The following ASAP1 variants were observed in gnomAD, a reference collection of about 807,000 sequenced individuals.
The protein encoded by ASAP1 is arf-GAP with SH3 domain, ANK repeat and PH domain-containing protein 1.
ASAP1 carries 43 observed loss-of-function variants against 145.2 expected under a neutral mutation model. The observed-to-expected ratio is 0.30, with a 90% CI of 0.23 to 0.38. The LOEUF (loss-of-function observed/expected upper bound fraction) is 0.38. Among genes scored for constraint, ASAP1 ranks in the 10% least tolerant of loss-of-function variants. The pLI, the probability that ASAP1 is intolerant of heterozygous loss-of-function variation, is 1.00. For synonymous variants in ASAP1, 546 were observed against 515.5 expected (o/e 1.06, Z -0.80); for missense variants, 1,018 against 1,355.3 (o/e 0.75, Z 3.91).
At chr8:130,248,344 G>A (rs1382681697) in intron 3 of ASAP1, among the ~76,000 whole-genome samples, 1 of 152,158 alleles carries the variant, frequency 6.6e-6, no homozygotes, top group African/African-American at 2.4e-5. Context: ...AGACAAGAAT[G>A]TTCTCTTCTT....
At chr8:130,304,428 T>A (rs1369811303) in intron 3 of ASAP1, among the ~76,000 whole-genome samples, 3 of 152,168 alleles carry the variant, frequency 2.0e-5, no homozygotes, top group Non-Finnish European at 4.4e-5. Flanking sequence ...TCTATTGTAA[T>A]ACTAATATAT....
chr8:130,354,112 G>A (rs943501969), intron 3 of ASAP1, among the ~76,000 whole-genome samples: 2 of 152,020 alleles, frequency 1.3e-5, no homozygotes, highest in Admixed American at 6.6e-5. Context: ...GGATGGTCTC[G>A]ATCTCCTGGC....
intron 3 of ASAP1, among the ~76,000 whole-genome samples, chr8:130,277,352 G>A (rs1018121832): frequency 2.0e-5 from 3 of 152,144 alleles, no homozygotes; most frequent in African/African-American, 7.2e-5. Flanking sequence ...ATAACTATAA[G>A]CCATACTAGT....
At chr8:130,343,724 G>T (rs1347114538) in intron 3 of ASAP1, among the ~76,000 whole-genome samples, 1 of 152,166 alleles carries the variant, frequency 6.6e-6, no homozygotes, top group Non-Finnish European at 1.5e-5. Context: ...TGAACAACAG[G>T]TCCTCCCTTT....
intron 1 of ASAP1, among the ~76,000 whole-genome samples, chr8:130,440,899 T>G (rs1444296141): frequency 6.6e-6 from 1 of 152,210 alleles, no homozygotes; most frequent in Non-Finnish European, 1.5e-5. Context: ...GTTTGTTTCC[T>G]TGATAACAAG....
At position 130,112,152 on chromosome 8, in the gene ASAP1, G is replaced by A. The variant is rs1279969553; in HGVS notation, c.2343C>T (p.Asp781=). ...TNQIFVSTST[D]SPTSPTTEAP... ...CCTCCGTGGTTGGTGATGTGGGCGA[G>A]TCTGTGCTTGTGGAAACGAAGATCT... is the stretch of plus-strand genomic sequence containing the variant. Residue 781 remains aspartate (D), a synonymous_variant, in exon 24 of 30, where the codon GAC becomes GAT. Transcript: ENST00000518721. 3 of 1,614,032 alleles carry A rather than the reference G, an allele frequency of 1.9e-6. No individual in the cohort carries two copies. The highest frequency in any genetic ancestry group is 2.7e-5 in the African/African-American group (2 of 74,918).
At chr8:130,062,760 C>T (rs2135084327) in intron 27 of ASAP1, among the ~76,000 whole-genome samples, 1 of 152,286 alleles carries the variant, frequency 6.6e-6, no homozygotes, top group Non-Finnish European at 1.5e-5. Context: ...TGGCACAGTA[C>T]TGCTTATAAC....
chr8:130,351,800 C>T (rs1278875540), intron 3 of ASAP1, among the ~76,000 whole-genome samples: 1 of 152,156 alleles, frequency 6.6e-6, no homozygotes, highest in Non-Finnish European at 1.5e-5. Flanking sequence ...GCCCCACCTC[C>T]GACACTGGGG....
chr8:130,115,759 C>A, intron 22 of ASAP1, 24 bp from the exon 23 acceptor site: 1 of 1,520,118 alleles, frequency 6.6e-7, no homozygotes, highest in Non-Finnish European at 9.1e-7. Context: ...CAAATGTGCA[C>A]CATTTTAATT....
At chr8:130,419,093 G>A (rs988296306) in intron 1 of ASAP1, among the ~76,000 whole-genome samples, 4 of 152,134 alleles carry the variant, frequency 2.6e-5, no homozygotes, top group Non-Finnish European at 5.9e-5. Context: ...CCAGGGTCCC[G>A]CACGCATTGT....
chr8:130,186,933 C>CT (rs1388088375), intron 7 of ASAP1, among the ~76,000 whole-genome samples: 1 of 152,150 alleles, frequency 6.6e-6, no homozygotes, highest in Non-Finnish European at 1.5e-5. Context: ...TACATGCTAT[C>CT]TATAATGAGA....
At chr8:130,274,726 C>G (rs1411937173) in intron 3 of ASAP1, among the ~76,000 whole-genome samples, 1 of 152,188 alleles carries the variant, frequency 6.6e-6, no homozygotes, top group African/African-American at 2.4e-5. Context: ...AGCAGAGTAC[C>G]AGGCACAGAG....
chr8:130,102,672 C>T (rs2097530724), intron 24 of ASAP1, among the ~76,000 whole-genome samples: 1 of 152,064 alleles, frequency 6.6e-6, no homozygotes, highest in Admixed American at 6.6e-5. Context: ...AGAATTGGTG[C>T]TAGTTTTTCT....
chr8:130,381,849 G>A (rs1565267126), intron 2 of ASAP1, among the ~76,000 whole-genome samples: 1 of 152,092 alleles, frequency 6.6e-6, no homozygotes, highest in African/African-American at 2.4e-5. Context: ...CTGCACGCAG[G>A]CCTCTGCATG....
intron 3 of ASAP1, among the ~76,000 whole-genome samples, chr8:130,335,463 G>T (rs1362871313): frequency 6.6e-6 from 1 of 152,140 alleles, no homozygotes; most frequent in Non-Finnish European, 1.5e-5. Flanking sequence ...ATTAAAACTT[G>T]GTTGGTCACA....
intron 3 of ASAP1, among the ~76,000 whole-genome samples, chr8:130,322,885 C>A (rs1824096199): frequency 6.6e-6 from 1 of 152,188 alleles, no homozygotes; most frequent in Admixed American, 6.5e-5. Flanking sequence ...CAGGGAGACG[C>A]AGAAGGCTTT....
chr8:130,065,763 T>G (rs1453779969), intron 27 of ASAP1, among the ~76,000 whole-genome samples: 1 of 152,160 alleles, frequency 6.6e-6, no homozygotes, highest in Non-Finnish European at 1.5e-5. Flanking sequence ...GAAGCCAGTG[T>G]GGGTAGGGAT....
intron 3 of ASAP1, among the ~76,000 whole-genome samples, chr8:130,262,702 T>C (rs953584083): frequency 2.6e-5 from 4 of 152,160 alleles, no homozygotes; most frequent in Non-Finnish European, 5.9e-5. Context: ...TAGGCTCCAT[T>C]GAAAATTCCC....
intron 3 of ASAP1, among the ~76,000 whole-genome samples, chr8:130,293,167 A>T (rs558512780): frequency 3.9e-5 from 6 of 152,296 alleles, no homozygotes; most frequent in African/African-American, 1.4e-4. Context: ...ACTGCACATA[A>T]ATATCTGGGG....
Sources: gnomAD v4.1 joint callset for allele counts (sites outside exome capture counted in the v4.1 genomes callset) on GRCh38, gnomAD v4.1.1 for gene constraint, MANE v1.5 for transcripts, NCBI Gene and HGNC (gene_info 2026-07-23, HGNC 2026-07-21) for gene names.